Variants in TRIM9 observed in about 807,000 individuals in gnomAD.
TRIM9 encodes tripartite motif containing 9, also known as E3 ubiquitin-protein ligase TRIM9.
Under a neutral mutation model 78.3 loss-of-function variants are expected in TRIM9, and 26 were observed. That is an observed-to-expected ratio of 0.33 (90% CI 0.24 to 0.46). TRIM9 has a LOEUF of 0.46. Ranked by LOEUF, TRIM9 falls within the 20% of genes least tolerant of loss-of-function variation. TRIM9 has a pLI of 1.00. For synonymous variants in TRIM9, 398 were observed against 416.5 expected (o/e 0.96, Z 0.54); for missense variants, 787 against 1,036.4 (o/e 0.76, Z 3.30).
At chr14:51,053,566 T>C (rs2060619217) in intron 1 of TRIM9, among the ~76,000 whole-genome samples, 1 of 142,810 alleles carries the variant, frequency 7.0e-6, no homozygotes, top group Admixed American at 7.0e-5. Flanking sequence ...TATTTTTTTT[T>C]ACTTTTTAAT....
chr14:50,986,094 A>G lies in TRIM9; in HGVS notation c.1654T>C (p.Leu552=), dbSNP rs1381977551. 3.2e-6 allele frequency: 5 copies of G among 1,546,544 alleles called. No individual in the cohort carries two copies. Among genetic ancestry groups the G allele is most frequent in the Admixed American group, 2.0e-5 (1 of 50,546 alleles). Residue 552 remains leucine, a synonymous_variant, in exon 8 of 13, where the codon TTG becomes CTG. Transcript: ENST00000684578. Reference sequence around the variant, plus strand: ...AAAGGACTCATTCTACGGAGCGGCAATCTTTCCGAAGGCACTGGAAAAGGG... The same window carrying G: ...AAAGGACTCATTCTACGGAGCGGCAGTCTTTCCGAAGGCACTGGAAAAGGG... ...TLPFPVPSER[L]PLRRMSPFSS... is the part of the protein sequence containing the mutation.
intron 7 of TRIM9, among the ~76,000 whole-genome samples, chr14:50,994,163 T>G (rs1012555354): frequency 6.6e-6 from 1 of 152,124 alleles, no homozygotes; most frequent in Non-Finnish European, 1.5e-5. Context: ...CCCAGTACTT[T>G]GGGAGGCCAA....
intron 1 of TRIM9, among the ~76,000 whole-genome samples, chr14:51,086,084 G>A (rs558313298): frequency 6.6e-6 from 1 of 152,286 alleles, no homozygotes; most frequent in South Asian, 2.1e-4. Context: ...CAATTTCTCA[G>A]TAATTTTCAT....
At chr14:51,030,225 C>T (rs1304277317) in intron 1 of TRIM9, among the ~76,000 whole-genome samples, 1 of 152,192 alleles carries the variant, frequency 6.6e-6, no homozygotes, top group East Asian at 1.9e-4. Context: ...AGGAAGGAGA[C>T]CTCACAGAGT....
At chr14:51,075,964 T>G (rs1424112957) in intron 1 of TRIM9, among the ~76,000 whole-genome samples, 2 of 152,216 alleles carry the variant, frequency 1.3e-5, no homozygotes, top group Non-Finnish European at 2.9e-5. Context: ...TATTTTAATT[T>G]TTTTTTCACT....
At chr14:51,016,520 T>C (rs2057216429) in intron 3 of TRIM9, among the ~76,000 whole-genome samples, 1 of 133,560 alleles carries the variant, frequency 7.5e-6, no homozygotes, top group Non-Finnish European at 1.5e-5. Flanking sequence ...AATAATAACA[T>C]ATCATTAATA....
At position 51,029,168 on chromosome 14, in the gene TRIM9, T is replaced by G. The variant is rs111561233; in HGVS notation, c.823-3808A>C. On this transcript the variant is annotated intron_variant, in intron 1 of 12. Transcript: ENST00000684578. ...CCTTTTCCCCTCAATTCACCACAAA[T>G]ATTGGATAGCGATAAACTGGGACAA... is the stretch of plus-strand genomic sequence containing the variant. 9.7e-3 allele frequency among the ~76,000 whole-genome samples: 1,481 copies of G among 152,184 alleles called. 22 individuals carry two copies. The highest frequency in any genetic ancestry group is 0.034 in the African/African-American group (1,422 of 41,508).
At chr14:51,041,491 G>C (rs758722051) in intron 1 of TRIM9, among the ~76,000 whole-genome samples, 1 of 152,256 alleles carries the variant, frequency 6.6e-6, no homozygotes, top group Non-Finnish European at 1.5e-5. Flanking sequence ...TCAATCTCAG[G>C]TGTAGGGAAT....
At chr14:51,075,787 C>T (rs2062725431) in intron 1 of TRIM9, among the ~76,000 whole-genome samples, 1 of 152,188 alleles carries the variant, frequency 6.6e-6, no homozygotes, top group African/African-American at 2.4e-5. Flanking sequence ...CTGAATTTCT[C>T]ATTGCTCTTG....
At chr14:51,067,561 T>G (rs2061854957) in intron 1 of TRIM9, among the ~76,000 whole-genome samples, 1 of 152,214 alleles carries the variant, frequency 6.6e-6, no homozygotes, top group Non-Finnish European at 1.5e-5. Flanking sequence ...TCTCTTACCA[T>G]GTCTCCTACC....
intron 5 of TRIM9, among the ~76,000 whole-genome samples, chr14:51,007,936 G>A (rs559170007): frequency 2.7e-4 from 41 of 152,132 alleles, no homozygotes; most frequent in African/African-American, 8.9e-4. Flanking sequence ...AAGACTTACC[G>A]CCTTATATAA....
intron 6 of TRIM9, among the ~76,000 whole-genome samples, chr14:50,998,580 A>T (rs1485910417): frequency 6.6e-6 from 1 of 152,178 alleles, no homozygotes; most frequent in African/African-American, 2.4e-5. Context: ...GCCCCTACTG[A>T]GCTCCTTATC....
chr14:51,008,805 T>C (rs2056186680), intron 5 of TRIM9, among the ~76,000 whole-genome samples: 1 of 152,228 alleles, frequency 6.6e-6, no homozygotes, highest in Non-Finnish European at 1.5e-5. Context: ...TGATGATCTC[T>C]TTCTCTCTCT....
chr14:50,997,085 G>A, intron 7 of TRIM9: 2 of 985,412 alleles, frequency 2.0e-6, no homozygotes, highest in South Asian at 9.4e-5. Context: ...GGGAAGTTAT[G>A]GAGAATCCCG....
At chr14:51,022,774 A>G in intron 3 of TRIM9, 61 bp downstream of exon 3, 1 of 1,604,242 alleles carries the variant, frequency 6.2e-7, no homozygotes, top group Non-Finnish European at 8.5e-7. Flanking sequence ...CAGCCTGTCC[A>G]TCATGCCCCT....
chr14:51,031,895 A>G lies in TRIM9; in HGVS notation c.823-6535T>C, dbSNP rs527768410. On this transcript the variant is annotated intron_variant, in intron 1 of 12. Coordinates refer to ENST00000684578, the MANE Select transcript of TRIM9 (RefSeq NM_001387360.1). ...CCACCTAAGCCAGCACATCTCTCAT[A>G]TACTAAACAAATCTCACCATTTGTA... Among the ~76,000 whole-genome samples, 7 of 148,934 alleles carry G rather than the reference A, an allele frequency of 4.7e-5. No homozygotes were observed. In the South Asian group the frequency reaches 1.5e-3, roughly 31 times the overall value.
chr14:51,012,080 G>T (rs2139654179), intron 3 of TRIM9, among the ~76,000 whole-genome samples: 1 of 152,228 alleles, frequency 6.6e-6, no homozygotes, highest in East Asian at 1.9e-4. Context: ...AATATACACA[G>T]CATGACATTT....
intron 5 of TRIM9, among the ~76,000 whole-genome samples, chr14:51,002,976 G>A (rs2055280573): frequency 6.6e-6 from 1 of 152,176 alleles, no homozygotes; most frequent in Non-Finnish European, 1.5e-5. Flanking sequence ...AGGCTCAGAA[G>A]CCCCAGAAAT....
chr14:51,055,439 C>A (rs1596281343), intron 1 of TRIM9, among the ~76,000 whole-genome samples: 1 of 152,122 alleles, frequency 6.6e-6, no homozygotes, highest in Non-Finnish European at 1.5e-5. Flanking sequence ...ATTAAGGTTG[C>A]AAGTGGAATT....
Sources: gnomAD v4.1 joint callset for allele counts (sites outside exome capture counted in the v4.1 genomes callset) on GRCh38, gnomAD v4.1.1 for gene constraint, MANE v1.5 for transcripts, NCBI Gene and HGNC (gene_info 2026-07-23, HGNC 2026-07-21) for gene names.